UBAP2: variants seen among roughly 807,000 people sequenced by gnomAD.
UBAP2 encodes the protein ubiquitin-associated protein 2.
UBAP2 carries 75 observed loss-of-function variants against 139.6 expected under a neutral mutation model. That is an observed-to-expected ratio of 0.54 (90% CI 0.45 to 0.65). UBAP2 has a LOEUF of 0.65. UBAP2 is among the 30% of genes least tolerant of loss of function. The pLI is 0.00. For synonymous variants in UBAP2, 526 were observed against 526.2 expected, an observed-to-expected ratio of 1.00 and a Z score of 0.01; for missense variants, 1,368 against 1,369.6, an observed-to-expected ratio of 1.00 and a Z score of 0.02.
intron 2 of UBAP2, among the ~76,000 whole-genome samples, chr9:34,007,383 C>A (rs550278375): frequency 1.3e-5 from 2 of 151,876 alleles, no homozygotes; most frequent in East Asian, 1.9e-4. Flanking sequence ...TTAGTCCCAG[C>A]TACCCGAGAG....
chr9:34,013,960 C>G (rs1564062852), intron 2 of UBAP2, among the ~76,000 whole-genome samples: 1 of 151,826 alleles, frequency 6.6e-6, no homozygotes, highest in African/African-American at 2.4e-5. Flanking sequence ...GCAAATACTT[C>G]CCAGAATAGG....
At chr9:34,016,783 C>G (rs908897306) in intron 2 of UBAP2, among the ~76,000 whole-genome samples, 3 of 151,856 alleles carry the variant, frequency 2.0e-5, no homozygotes, top group Non-Finnish European at 4.4e-5. Flanking sequence ...GTCTCAAACT[C>G]CTGACCTCAA....
intron 6 of UBAP2, among the ~76,000 whole-genome samples, chr9:33,974,269 A>T (rs1828128330): frequency 6.6e-6 from 1 of 152,044 alleles, no homozygotes; most frequent in African/African-American, 2.4e-5. Context: ...GCACTTTGGA[A>T]CACCGAGGCA....
intron 26 of UBAP2, 25 bp from the exon 27 acceptor site, chr9:33,923,058 CACAGCAGTTGTTCCCA>C: frequency 6.2e-7 from 1 of 1,613,990 alleles, no homozygotes; most frequent in Non-Finnish European, 8.5e-7. Flanking sequence ...AGTTGTTCCC[CACAGCAGTTGTTCCCA>C]GCTCCAGGCT....
intron 2 of UBAP2, among the ~76,000 whole-genome samples, chr9:34,002,393 T>G (rs1822788495): frequency 6.9e-6 from 1 of 145,818 alleles, no homozygotes; most frequent in South Asian, 2.2e-4. Flanking sequence ...TTTTTTTTTT[T>G]TTTGAGACAG....
chr9:33,955,819 C>A (rs7865742), intron 11 of UBAP2, among the ~76,000 whole-genome samples: 47,563 of 147,784 alleles, frequency 0.32, 8,177 homozygotes, highest in African/African-American at 0.46. Context: ...AAGAGCAAAA[C>A]TACGTCTCAA....
Position 34,017,070 on chromosome 9 carries a change from G to C in UBAP2, c.79C>G (p.Pro27Ala), listed in dbSNP as rs750650127. Reference sequence around the variant, plus strand: ...CTTACCTGTACCACTTGTTTCTGTGGTTGCGTTGATTGTGCTGCTGAAATC... The same window carrying C: ...CTTACCTGTACCACTTGTTTCTGTGCTTGCGTTGATTGTGCTGCTGAAATC... ...PQISAAQSTQ[P>A]QKQVVQATAE... The change falls in exon 2 of 29, where the codon CCA (proline) becomes GCA (alanine). Residue 27 changes from proline to alanine, a missense_variant. Coordinates refer to ENST00000379238, the MANE Select transcript of UBAP2 (RefSeq NM_001370062.2). 1.9e-6 allele frequency: 3 copies of C among 1,606,964 alleles called. No individual in the cohort carries two copies. In the South Asian group the frequency reaches 3.4e-5, roughly 18 times the overall value.
At chr9:34,001,002 C>G (rs1260275397) in intron 2 of UBAP2, among the ~76,000 whole-genome samples, 1 of 152,150 alleles carries the variant, frequency 6.6e-6, no homozygotes, top group Non-Finnish European at 1.5e-5. Context: ...CTCACTATCC[C>G]TAAATCAGAC....
At chr9:34,039,712 G>A (rs1826864253) in intron 1 of UBAP2, among the ~76,000 whole-genome samples, 1 of 151,802 alleles carries the variant, frequency 6.6e-6, no homozygotes, top group Non-Finnish European at 1.5e-5. Context: ...ACTGCAGAAG[G>A]CCGCAGGGAC....
chr9:33,930,919 G>A (rs967623514), intron 19 of UBAP2, among the ~76,000 whole-genome samples: 6 of 132,282 alleles, frequency 4.5e-5, no homozygotes, highest in African/African-American at 1.4e-4. Flanking sequence ...AAAAAAAAAA[G>A]CGGATGATAA....
chr9:33,953,863 T>C (rs1369131793), intron 11 of UBAP2, among the ~76,000 whole-genome samples: 1 of 152,134 alleles, frequency 6.6e-6, no homozygotes, highest in African/African-American at 2.4e-5. Context: ...TCCATATTTC[T>C]AGGGAATGAA....
intron 6 of UBAP2, among the ~76,000 whole-genome samples, chr9:33,982,367 T>A (rs1564045531): frequency 6.6e-6 from 1 of 152,210 alleles, no homozygotes; most frequent in African/African-American, 2.4e-5. Flanking sequence ...GCTCCACACT[T>A]ACGACAACTT....
intron 6 of UBAP2, among the ~76,000 whole-genome samples, chr9:33,977,100 G>A (rs1242831962): frequency 4.8e-5 from 7 of 146,682 alleles, no homozygotes; most frequent in African/African-American, 1.3e-4. Context: ...GTGCAGTGGC[G>A]CCACCTCGGC....
Position 33,935,896 on chromosome 9 carries a change from G to A in UBAP2, c.1930-18C>T, listed in dbSNP as rs368962515. On this transcript the variant is annotated intron_variant, in intron 16 of 28. Coordinates refer to ENST00000379238, the MANE Select transcript of UBAP2 (RefSeq NM_001370062.2). ...TGTCCATTCTATAAGGAAAAGAAGA[G>A]AAGAGAATATAAACTTACAAAATGA... 20 of 1,609,450 alleles carry A rather than the reference G, an allele frequency of 1.2e-5. No individual in the cohort carries two copies. The highest frequency in any genetic ancestry group is 1.6e-4 in the Middle Eastern group (1 of 6,070).
At chr9:33,933,812 A>G (rs1824213311) in intron 17 of UBAP2, among the ~76,000 whole-genome samples, 184 bp from the exon 18 acceptor site, 1 of 152,208 alleles carries the variant, frequency 6.6e-6, no homozygotes, top group Admixed American at 6.5e-5. Flanking sequence ...AAACAACACT[A>G]TCAAAGGACA....
intron 19 of UBAP2, among the ~76,000 whole-genome samples, chr9:33,931,370 G>A (rs1247312952): frequency 5.9e-5 from 9 of 152,192 alleles, no homozygotes; most frequent in African/African-American, 9.6e-5. Flanking sequence ...TGGATGAGAC[G>A]ATTCTGGCTG....
intron 4 of UBAP2, among the ~76,000 whole-genome samples, chr9:33,993,325 CTA>C (rs1293897568): frequency 8.5e-5 from 13 of 152,292 alleles, no homozygotes; most frequent in African/African-American, 3.1e-4. Context: ...CCAATTAACT[CTA>C]TCTCAGTCAA....
intron 1 of UBAP2, among the ~76,000 whole-genome samples, chr9:34,033,427 T>C (rs1185474044): frequency 6.6e-6 from 1 of 152,022 alleles, no homozygotes; most frequent in Non-Finnish European, 1.5e-5. Flanking sequence ...ATTGAACTCA[T>C]AATCACAGAC....
chr9:33,990,393 C>T (rs1041648042), intron 4 of UBAP2, among the ~76,000 whole-genome samples: 11 of 152,106 alleles, frequency 7.2e-5, no homozygotes, highest in African/African-American at 2.7e-4. Flanking sequence ...AACTTCCAAA[C>T]TCTTTTTTTG....
Sources: allele counts gnomAD v4.1 joint callset (sites outside exome capture counted in the v4.1 genomes callset), GRCh38; gene constraint gnomAD v4.1.1; transcripts MANE v1.5; gene names NCBI Gene and HGNC (gene_info 2026-07-23, HGNC 2026-07-21).